MUC5AC: variants seen among roughly 807,000 people sequenced by gnomAD.
MUC5AC encodes the protein mucin-5AC.
A neutral mutation model predicts 169.7 loss-of-function variants in MUC5AC; 158 were observed. The observed-to-expected ratio is 0.93, with a 90% CI of 0.82 to 1.06. MUC5AC has a LOEUF of 1.06. Ranked by LOEUF, MUC5AC falls within the 50% of genes least tolerant of loss-of-function variation. The pLI is 0.00. For synonymous variants in MUC5AC, 1,975 were observed against 1,237.0 expected (o/e 1.60, Z -12.52); for missense variants, 4,359 against 3,089.9 (o/e 1.41, Z -9.74).
At chr11:1,163,735 C>A in intron 6 of MUC5AC, 147 bp from the exon 7 acceptor site, 1 of 654,822 alleles carries the variant, frequency 1.5e-6, no homozygotes, top group South Asian at 1.8e-5. Flanking sequence ...GCAGTCAGGA[C>A]AACTCAGGCA....
At chr11:1,193,194 G>T (rs55957337) in intron 32 of MUC5AC, among the ~76,000 whole-genome samples, 39 of 152,350 alleles carry the variant, frequency 2.6e-4, no homozygotes, top group African/African-American at 8.2e-4. Context: ...TGGGTGTGTG[G>T]GGCCGAAGGC....
rs1413343825 is a variant in MUC5AC, at chr11:1,163,899, A to G, written c.697A>G (p.Met233Val). The G allele has an allele frequency of 3.1e-6, 5 of 1,609,084 alleles. No homozygotes were observed. Among genetic ancestry groups the G allele is most frequent in the Non-Finnish European group, 4.2e-6 (5 of 1,178,552 alleles). The change falls in exon 7 of 49, where the codon ATG (methionine) becomes GTG (valine). Residue 233 changes from methionine (M) to valine (V), a missense_variant. Met to Val is a conservative substitution (Grantham distance 21). Coordinates refer to ENST00000621226, the MANE Select transcript of MUC5AC (RefSeq NM_001304359.2). ...TGCCGCAGACACCAAGCTGACACCC[A>G]TGGAATTCGGGAACCTGCAGAAGAT... Reference protein sequence around the residue: ...LLSHNTKLTPMEFGNLQKMDD... With the variant: ...LLSHNTKLTPVEFGNLQKMDD...
Position 1,190,629 on chromosome 11 carries a change from A to G in MUC5AC, c.12484A>G (p.Thr4162Ala). 2 of 694,456 alleles carry G rather than the reference A, an allele frequency of 2.9e-6. No individual in the cohort carries two copies. The highest frequency in any genetic ancestry group is 3.0e-5 in the South Asian group (2 of 65,860). The allele number at this position is 694,456 out of a possible 1,614,324, so 43.0% of individuals were successfully genotyped here. A position where few individuals can be genotyped will look rare whatever the true frequency, so the allele number is the denominator to read the frequency against. The change falls in exon 31 of 49, where the codon ACC (threonine) becomes GCC (alanine). Residue 4162 changes from threonine (T) to alanine (A), a missense_variant. Thr to Ala is a moderately conservative substitution (Grantham distance 58). Transcript: ENST00000621226. ...STTLAPTTST[T>A]SAPTTSTNSA... ...AACCTTGGCTCCTACAACCAGCACA[A>G]CCTCTGCTCCAACAACCAGCACAAA...
chr11:1,196,475 G>A lies in MUC5AC; in HGVS notation c.15725G>A (p.Gly5242Glu), dbSNP rs1299903618. The change falls in exon 38 of 49, where the codon GGG becomes GAG. Residue 5242 changes from glycine (G) to glutamate (E), a missense_variant and splice_region_variant. Transcript: ENST00000621226. Reference sequence around the variant, plus strand: ...TACGGGAATGACAGCGCCAGCCTCGGGTAGGCACCCTCCCTCCTGGCCCTG... The same window carrying A: ...TACGGGAATGACAGCGCCAGCCTCGAGTAGGCACCCTCCCTCCTGGCCCTG... The part of the protein sequence containing the change: ...YCYGNDSASL[G>E]ALPEAGPITE... The A allele has an allele frequency of 1.3e-6, 1 of 764,898 alleles. No homozygotes were observed. Among genetic ancestry groups the A allele is most frequent in the African/African-American group, 1.7e-5 (1 of 59,146 alleles). 47.4% of individuals were successfully genotyped at this position (764,898 alleles called of 1,614,324 possible).
intron 1 of MUC5AC, 97 bp downstream of exon 1, chr11:1,158,169 T>C: frequency 8.8e-7 from 1 of 1,137,470 alleles, no homozygotes; most frequent in African/African-American, 1.6e-5. Flanking sequence ...CCGGGCAGGC[T>C]GCATGTGCCA....
chr11:1,159,533 CTG>C (rs2133710368), intron 1 of MUC5AC, among the ~76,000 whole-genome samples: 1 of 4,522 alleles, frequency 2.2e-4, no homozygotes, highest in African/African-American at 5.4e-4. Flanking sequence ...CATGCTGGTT[CTG>C]TGCGGGGCTG....
At chr11:1,180,783 G>A (rs1344387356) in intron 28 of MUC5AC, among the ~76,000 whole-genome samples, 1 of 152,158 alleles carries the variant, frequency 6.6e-6, no homozygotes, top group East Asian at 1.9e-4. Flanking sequence ...AGGCTCGAGG[G>A]GCTCAGGGGG....
chr11:1,177,011 C>A lies in MUC5AC; in HGVS notation c.2738C>A (p.Thr913Asn). The A allele has an allele frequency of 2.5e-6, 1 of 398,988 alleles. No individual in the cohort carries two copies. The highest frequency in any genetic ancestry group is 4.4e-6 in the Non-Finnish European group (1 of 226,290). 24.7% of individuals were successfully genotyped at this position (398,988 alleles called of 1,614,324 possible). A position where few individuals can be genotyped will look rare whatever the true frequency, so the allele number is the denominator to read the frequency against. ...CAVYGDGHYL[T>N]FDGQSYSFNG... ...GTGTACGGGGACGGCCACTACCTCA[C>A]CTTCGACGGACAGAGCTACAGCTTC... Residue 913 changes from threonine to asparagine, a missense_variant, in exon 22 of 49, where the codon ACC becomes AAC. Transcript: ENST00000621226.
At position 1,185,740 on chromosome 11, in the gene MUC5AC, C is replaced by T. The variant is rs1860926013; in HGVS notation, c.7595C>T (p.Pro2532Leu). 1.4e-6 allele frequency: 1 copy of T among 739,594 alleles called. No individual in the cohort carries two copies. The highest frequency in any genetic ancestry group is 1.7e-5 in the African/African-American group (1 of 58,218). The allele number at this position is 739,594 out of a possible 1,614,324, so 45.8% of individuals were successfully genotyped here. ...TSTTSGAGTT[P>L]SPVPTTSTTS... Reference sequence around the variant, plus strand: ...ACAACCTCTGGTGCTGGAACTACTCCCAGCCCTGTTCCCACCACCAGCACA... The same window carrying T: ...ACAACCTCTGGTGCTGGAACTACTCTCAGCCCTGTTCCCACCACCAGCACA... Residue 2532 changes from proline (P) to leucine (L), a missense_variant, in exon 31 of 49, where the codon CCC (proline) becomes CTC (leucine). Physicochemically the swap from Pro to Leu is moderately conservative, Grantham distance 98. Transcript: ENST00000621226.
chr11:1,173,085 T>TTCAC (rs1362944628), intron 16 of MUC5AC, among the ~76,000 whole-genome samples: 7 of 130,656 alleles, frequency 5.4e-5, no homozygotes, highest in South Asian at 2.6e-4. Context: ...CACTAGCTCT[T>TTCAC]TCACTCACTC....
At chr11:1,170,344 C>G (rs1860467606) in intron 15 of MUC5AC, among the ~76,000 whole-genome samples, 2 of 144,140 alleles carry the variant, frequency 1.4e-5, no homozygotes, top group African/African-American at 2.6e-5. Context: ...ATTCACTCAC[C>G]CATTTGCCCA....
intron 6 of MUC5AC, 127 bp downstream of exon 6, chr11:1,163,172 T>A (rs1860195930): frequency 1.1e-6 from 1 of 885,572 alleles, no homozygotes; most frequent in South Asian, 1.4e-5. Context: ...CTGCCCTCCC[T>A]CCTAGCACAG....
chr11:1,163,215 C>T (rs766740994), intron 6 of MUC5AC, among the ~76,000 whole-genome samples, 170 bp downstream of exon 6: 4 of 152,250 alleles, frequency 2.6e-5, no homozygotes, highest in South Asian at 2.1e-4. Flanking sequence ...CCCGCAACGC[C>T]GGCCTGTCTC....
Position 1,161,980 on chromosome 11 carries a change from C to G in MUC5AC, c.285C>G (p.Asp95Glu). Residue 95 changes from aspartate to glutamate, a missense_variant, in exon 4 of 49, where the codon GAC becomes GAG. Asp to Glu is a conservative substitution (Grantham distance 45, BLOSUM62 2). Transcript: ENST00000621226. ...GSFHYKTFDG[D>E]VFRFPGLCNY... ...TCCACTACAAGACCTTCGACGGCGA[C>G]GTCTTCCGCTTCCCCGGCCTCTGCA... The G allele has an allele frequency of 6.2e-7, 1 of 1,612,386 alleles. No homozygotes were observed. The highest frequency in any genetic ancestry group is 8.5e-7 in the Non-Finnish European group (1 of 1,179,722).
At chr11:1,170,311 T>G (rs1357891234) in intron 15 of MUC5AC, among the ~76,000 whole-genome samples, 1 of 114,528 alleles carries the variant, frequency 8.7e-6, no homozygotes, top group Non-Finnish European at 1.8e-5. Flanking sequence ...ACCCACTCAC[T>G]CACCTCACTC....
rs770171330 is a variant in MUC5AC, at chr11:1,195,010, A to G, written c.15191-2A>G. On this transcript the variant is annotated splice_acceptor_variant, in intron 35 of 48. Coordinates refer to ENST00000621226, the MANE Select transcript of MUC5AC (RefSeq NM_001304359.2). LOFTEE classifies it high-confidence loss of function. ...AGCCTGACCCCCACCGCGTCTGCCC[A>G]GGCACTTGCACCAACGACAGGAAGG... 1.4e-6 allele frequency: 1 copy of G among 734,112 alleles called. No individual in the cohort carries two copies. The highest frequency in any genetic ancestry group is 2.5e-6 in the Non-Finnish European group (1 of 401,522). 45.5% of individuals were successfully genotyped at this position (734,112 alleles called of 1,614,324 possible). A position where few individuals can be genotyped will look rare whatever the true frequency, so the allele number is the denominator to read the frequency against.
At chr11:1,197,876 C>A in intron 41 of MUC5AC, 27 bp from the exon 42 acceptor site, 1 of 700,710 alleles carries the variant, frequency 1.4e-6, no homozygotes, top group South Asian at 1.5e-5. Context: ...GGACAGACTC[C>A]TAATTGCCTC....
At chr11:1,200,384 C>A in intron 48 of MUC5AC, 54 bp from the exon 49 acceptor site, 1 of 637,700 alleles carries the variant, frequency 1.6e-6, no homozygotes, top group South Asian at 1.7e-5. Context: ...CGCCGGCTTA[C>A]GGCAGGAGGC....
rs1860829887 is a variant in MUC5AC, at chr11:1,182,173, C to T, written c.4028C>T (p.Thr1343Ile). 7.5e-6 allele frequency: 3 copies of T among 398,566 alleles called. No individual in the cohort carries two copies. The highest frequency in any genetic ancestry group is 4.1e-5 in the African/African-American group (2 of 48,646). The allele number at this position is 398,566 out of a possible 1,614,324, so 24.7% of individuals were successfully genotyped here. A position where few individuals can be genotyped will look rare whatever the true frequency, so the allele number is the denominator to read the frequency against. The change falls in exon 31 of 49, where the codon ACC becomes ATC. Residue 1343 changes from threonine to isoleucine, a missense_variant. Thr to Ile is a moderately conservative substitution (Grantham distance 89). Transcript: ENST00000621226. ...TPPLVVSSTH[T>I]PSNGPSSAHT... Reference sequence around the variant, plus strand: ...CCCACAGTCGTGAGCTCCACGCACACCCCCAGCAATGGCCCAAGCAGCGCG... The same window carrying T: ...CCCACAGTCGTGAGCTCCACGCACATCCCCAGCAATGGCCCAAGCAGCGCG...
Sources: gnomAD v4.1 joint callset for allele counts (sites outside exome capture counted in the v4.1 genomes callset) on GRCh38, gnomAD v4.1.1 for gene constraint, MANE v1.5 for transcripts, NCBI Gene and HGNC (gene_info 2026-07-23, HGNC 2026-07-21) for gene names.